ADAMTS12: variants seen among roughly 807,000 people sequenced by gnomAD.
ADAMTS12 encodes A disintegrin and metalloproteinase with thrombospondin motifs 12.
ADAMTS12 carries 118 observed loss-of-function variants against 167.8 expected under a neutral mutation model. That is an observed-to-expected ratio of 0.70 (90% CI 0.61 to 0.82). The LOEUF (loss-of-function observed/expected upper bound fraction) is 0.82. ADAMTS12 is among the 40% of genes least tolerant of loss of function. ADAMTS12 has a pLI of 0.00. For synonymous variants in ADAMTS12, 704 were observed against 716.9 expected (o/e 0.98, Z 0.29); for missense variants, 1,916 against 1,998.8 (o/e 0.96, Z 0.79).
chr5:33,547,176 G>T (rs1299409039), intron 21 of ADAMTS12, among the ~76,000 whole-genome samples: 2 of 152,150 alleles, frequency 1.3e-5, no homozygotes, highest in Non-Finnish European at 2.9e-5. Flanking sequence ...ACCTACCTAT[G>T]TGCACACAGA....
chr5:33,858,307 A>G (rs1157114778), intron 2 of ADAMTS12, among the ~76,000 whole-genome samples: 1 of 152,244 alleles, frequency 6.6e-6, no homozygotes, highest in Non-Finnish European at 1.5e-5. Flanking sequence ...TCAAAACTGT[A>G]AGACACAGAA....
intron 2 of ADAMTS12, among the ~76,000 whole-genome samples, chr5:33,799,623 C>A (rs1286388944): frequency 6.6e-6 from 1 of 152,230 alleles, no homozygotes. Flanking sequence ...GTCAAGGGAA[C>A]TAAGTAGAAA....
At chr5:33,568,967 T>A (rs1370058590) in intron 19 of ADAMTS12, among the ~76,000 whole-genome samples, 1 of 152,230 alleles carries the variant, frequency 6.6e-6, no homozygotes, top group Non-Finnish European at 1.5e-5. Flanking sequence ...TGGAGGGTCC[T>A]ACGCCCACGG....
intron 18 of ADAMTS12, among the ~76,000 whole-genome samples, chr5:33,584,884 A>ATATGCAATACAAGTT (rs375691579): frequency 2.6e-5 from 4 of 152,228 alleles, no homozygotes; most frequent in Admixed American, 6.5e-5. Flanking sequence ...AGACTGTTCA[A>ATATGCAATACAAGTT]TATGCAATAC....
intron 22 of ADAMTS12, among the ~76,000 whole-genome samples, chr5:33,541,201 T>C (rs898942880): frequency 6.6e-6 from 1 of 152,118 alleles, no homozygotes; most frequent in Non-Finnish European, 1.5e-5. Context: ...TAAGCTTCAA[T>C]AGCAGATTCA....
chr5:33,705,631 G>A (rs1743169335), intron 3 of ADAMTS12, among the ~76,000 whole-genome samples: 1 of 152,026 alleles, frequency 6.6e-6, no homozygotes, highest in Admixed American at 6.6e-5. Context: ...TGGCCAACGT[G>A]TGAAACCATC....
chr5:33,734,827 G>C (rs1744315186), intron 3 of ADAMTS12, among the ~76,000 whole-genome samples: 1 of 152,180 alleles, frequency 6.6e-6, no homozygotes, highest in African/African-American at 2.4e-5. Flanking sequence ...AAATGTTCCA[G>C]AGCCTGGCTG....
chr5:33,844,646 CG>C (rs1401173877), intron 2 of ADAMTS12, among the ~76,000 whole-genome samples: 1 of 152,184 alleles, frequency 6.6e-6, no homozygotes, highest in African/African-American at 2.4e-5. Flanking sequence ...AATTTTGCCC[CG>C]GTCCTGTGGT....
chr5:33,683,855 A>C lies in ADAMTS12; in HGVS notation c.831+4T>G. On this transcript the variant is annotated splice_donor_region_variant and intron_variant, in intron 4 of 23. Coordinates refer to ENST00000504830, the MANE Select transcript of ADAMTS12 (RefSeq NM_030955.4). Reference sequence around the variant, plus strand: ...TGCCCCAGCCCCCATGTAGTCTGGCATACCATGTTCATGATGGTGAGGATG... The same window carrying C: ...TGCCCCAGCCCCCATGTAGTCTGGCCTACCATGTTCATGATGGTGAGGATG... 1 of 1,520,252 alleles carries C rather than the reference A, an allele frequency of 6.6e-7. No homozygotes were observed. The highest frequency in any genetic ancestry group is 1.4e-5 in the South Asian group (1 of 73,910). 94.2% of individuals were successfully genotyped at this position (1,520,252 alleles called of 1,614,324 possible). A position where few individuals can be genotyped will look rare whatever the true frequency, so the allele number is the denominator to read the frequency against.
chr5:33,891,210 C>G (rs1750830237), intron 1 of ADAMTS12, among the ~76,000 whole-genome samples: 1 of 152,096 alleles, frequency 6.6e-6, no homozygotes, highest in South Asian at 2.1e-4. Context: ...CCCAAAAGGA[C>G]TATTCTTTCA....
At chr5:33,650,435 T>A (rs535107124) in intron 7 of ADAMTS12, among the ~76,000 whole-genome samples, 9 of 152,314 alleles carry the variant, frequency 5.9e-5, no homozygotes, top group East Asian at 5.8e-4. Flanking sequence ...AGAATTTTTT[T>A]AAAAAAACAT....
chr5:33,881,802 G>A (rs981967209), intron 1 of ADAMTS12, among the ~76,000 whole-genome samples: 29 of 146,568 alleles, frequency 2.0e-4, no homozygotes, highest in African/African-American at 6.4e-4. Flanking sequence ...TTGAACTCCC[G>A]ACCTCAGGTG....
At chr5:33,665,602 C>T (rs1052645623) in intron 5 of ADAMTS12, among the ~76,000 whole-genome samples, 1 of 152,022 alleles carries the variant, frequency 6.6e-6, no homozygotes, top group African/African-American at 2.4e-5. Context: ...TGAGCAACAG[C>T]CAAGAATTAC....
At chr5:33,824,183 G>A (rs1355656022) in intron 2 of ADAMTS12, among the ~76,000 whole-genome samples, 1 of 152,150 alleles carries the variant, frequency 6.6e-6, no homozygotes, top group South Asian at 2.1e-4. Flanking sequence ...CCCAGATACT[G>A]GGCTAGGGCT....
chr5:33,560,891 C>G (rs1232441940), intron 20 of ADAMTS12, 136 bp downstream of exon 20: 8 of 1,168,100 alleles, frequency 6.8e-6, no homozygotes, highest in Middle Eastern at 2.0e-4. Context: ...GAACGTTGTG[C>G]ACATGTACCC....
chr5:33,646,540 C>T (rs1413005758), intron 9 of ADAMTS12, among the ~76,000 whole-genome samples: 1 of 152,138 alleles, frequency 6.6e-6, no homozygotes, highest in African/African-American at 2.4e-5. Context: ...TAACCACACT[C>T]GCCCCCATGC....
chr5:33,877,351 C>T (rs758470891), intron 2 of ADAMTS12, among the ~76,000 whole-genome samples: 2 of 152,132 alleles, frequency 1.3e-5, no homozygotes, highest in Non-Finnish European at 2.9e-5. Flanking sequence ...GTCTTCTGCA[C>T]GAGGGTGGAT....
At chr5:33,718,563 C>G (rs970511187) in intron 3 of ADAMTS12, among the ~76,000 whole-genome samples, 2 of 152,104 alleles carry the variant, frequency 1.3e-5, no homozygotes, top group Non-Finnish European at 2.9e-5. Context: ...CTATCCCACC[C>G]CCTCCCAGTC....
At chr5:33,800,846 T>A (rs1026482887) in intron 2 of ADAMTS12, among the ~76,000 whole-genome samples, 1 of 152,168 alleles carries the variant, frequency 6.6e-6, no homozygotes, top group Non-Finnish European at 1.5e-5. Context: ...AATAACGGTA[T>A]CTATGTCCTA....
Sources: allele counts gnomAD v4.1 joint callset (sites outside exome capture counted in the v4.1 genomes callset), GRCh38; gene constraint gnomAD v4.1.1; transcripts MANE v1.5; gene names NCBI Gene and HGNC (gene_info 2026-07-23, HGNC 2026-07-21).